The following ZNF428 variants were observed in gnomAD, a reference collection of about 807,000 sequenced individuals.
The protein encoded by ZNF428 is enzyme-like protein PIT13.
In ZNF428, 5 loss-of-function variants were observed where a neutral mutation model predicts 15.6. The ratio of observed to expected loss-of-function variants is 0.32; its 90% CI spans 0.17 to 0.67. ZNF428 has a LOEUF of 0.67. ZNF428 is among the 30% of genes least tolerant of loss of function. The pLI, the probability that ZNF428 is intolerant of heterozygous loss-of-function variation, is 0.73. For synonymous variants in ZNF428, 97 were observed against 102.2 expected (o/e 0.95, Z 0.31); for missense variants, 237 against 256.0 (o/e 0.93, Z 0.51).
intron 2 of ZNF428, chr19:43,613,417 C>T: frequency 1.3e-6 from 2 of 1,528,718 alleles, no homozygotes; most frequent in Non-Finnish European, 8.8e-7. Flanking sequence ...GAAGTCCCAA[C>T]AAGGCGAGAG....
In ZNF428 at chr19:43,613,123, C is replaced by A. The variant is rs753137306; in HGVS notation, c.76+1106G>T. On this transcript the variant is annotated intron_variant, in intron 2 of 2. Coordinates refer to ENST00000300811, the MANE Select transcript of ZNF428 (RefSeq NM_182498.4). Reference sequence around the variant, plus strand: ...TGGGAAGACACAGCCAGTCTAGAAGCCACAGCAAGGGGAAAAGTCAAAACC... The same window carrying A: ...TGGGAAGACACAGCCAGTCTAGAAGACACAGCAAGGGGAAAAGTCAAAACC... 16 of 1,551,502 alleles carry A rather than the reference C, an allele frequency of 1.0e-5. No individual in the cohort carries two copies. In the South Asian group the frequency reaches 1.9e-4, roughly 18 times the overall value.
chr19:43,610,165 C>A (rs1227274084), intron 2 of ZNF428, among the ~76,000 whole-genome samples: 1 of 151,722 alleles, frequency 6.6e-6, no homozygotes, highest in Non-Finnish European at 1.5e-5. Context: ...CCTGGCCACT[C>A]CCCAGCACTC....
rs1253101237 is a variant in ZNF428 at position 43,617,217 on chromosome 19, TTCTC to T, written c.-131+2337_-131+2340del. ...CCTCTGCCAGGAAGCCTTCTGTGAC[TTCTC>T]TCTCTCCCTCTTCACCAACGGACCG... On this transcript the variant is annotated intron_variant, in intron 1 of 2. Transcript: ENST00000300811. Among the ~76,000 whole-genome samples, 17 of 152,124 alleles carry T rather than the reference TTCTC, an allele frequency of 1.1e-4. No homozygotes were observed. The South Asian group carries it at 3.1e-3, about 28-fold the overall frequency.
At chr19:43,613,783 G>C (rs1198133452) in intron 2 of ZNF428, 3 of 1,549,628 alleles carry the variant, frequency 1.9e-6, no homozygotes, top group East Asian at 4.9e-5. Flanking sequence ...CCAGCGAGGA[G>C]AGAGAGCACA....
chr19:43,614,565 C>G, intron 1 of ZNF428, 131 bp from the exon 2 acceptor site: 1 of 765,820 alleles, frequency 1.3e-6, no homozygotes, highest in East Asian at 3.4e-5. Context: ...CCCTGACTGT[C>G]TACAGGGTCT....
chr19:43,617,944 C>T (rs1430981317), intron 1 of ZNF428, among the ~76,000 whole-genome samples: 1 of 152,008 alleles, frequency 6.6e-6, no homozygotes, highest in African/African-American at 2.4e-5. Context: ...TCACTGCAAC[C>T]TCTGCCTCCT....
chr19:43,614,530 G>T, intron 1 of ZNF428, 96 bp from the exon 2 acceptor site: 1 of 1,142,468 alleles, frequency 8.8e-7, no homozygotes, highest in Non-Finnish European at 1.2e-6. Context: ...CTGCTGGCAT[G>T]GGGCACAGAG....
At chr19:43,611,321 G>A (rs113209274) in intron 2 of ZNF428, among the ~76,000 whole-genome samples, 41 of 151,304 alleles carry the variant, frequency 2.7e-4, no homozygotes, top group Non-Finnish European at 4.0e-4. Context: ...TGGTTGACCC[G>A]TTCATTTTTT....
At chr19:43,610,625 T>C (rs1973285770) in intron 2 of ZNF428, among the ~76,000 whole-genome samples, 1 of 152,156 alleles carries the variant, frequency 6.6e-6, no homozygotes, top group African/African-American at 2.4e-5. Flanking sequence ...AACACTTCCT[T>C]TGTGCAAAGA....
chr19:43,618,363 C>G (rs1407666187), intron 1 of ZNF428, among the ~76,000 whole-genome samples: 1 of 151,816 alleles, frequency 6.6e-6, no homozygotes, highest in Non-Finnish European at 1.5e-5. Flanking sequence ...GAGACAGGGT[C>G]TCGCTCAGTT....
chr19:43,617,180 G>A (rs1014834651), intron 1 of ZNF428, among the ~76,000 whole-genome samples: 4 of 151,820 alleles, frequency 2.6e-5, no homozygotes, highest in Non-Finnish European at 4.4e-5. Flanking sequence ...CTTCTTGCCC[G>A]CTGAAATACT....
rs1343584800 is a variant in ZNF428 at position 43,613,458 on chromosome 19, C to T, written c.76+771G>A. 6 of 1,543,950 alleles carry T rather than the reference C, an allele frequency of 3.9e-6. No homozygotes were observed. Among genetic ancestry groups the T allele is most frequent in the Admixed American group, 4.0e-5 (2 of 50,058 alleles). ...AGCCGATCTAGAAGTCCCTACAAGGCGAGAGATCGCAGCCGATCTAGAAGT... is the reference window on the plus strand; with the variant it reads ...AGCCGATCTAGAAGTCCCTACAAGGTGAGAGATCGCAGCCGATCTAGAAGT... On this transcript the variant is annotated intron_variant, in intron 2 of 2. Transcript: ENST00000300811.
chr19:43,614,019 G>A lies in ZNF428; in HGVS notation c.76+210C>T, dbSNP rs552706429. On this transcript the variant is annotated intron_variant, in intron 2 of 2. Coordinates refer to ENST00000300811, the MANE Select transcript of ZNF428 (RefSeq NM_182498.4). ...AAAGAAGGAAATCATAGCCAATCTA[G>A]AACCTCTAGCAAGGAGAGCGACCCC... 30 of 1,551,760 alleles carry A rather than the reference G, an allele frequency of 1.9e-5. No individual in the cohort carries two copies. In the Admixed American group the frequency reaches 5.7e-4, roughly 29 times the overall value.
At position 43,607,534 on chromosome 19, in the gene ZNF428, T is replaced by C. The variant is rs1384745910; in HGVS notation, c.*83A>G. On this transcript the variant is annotated 3_prime_UTR_variant, in exon 3 of 3. Transcript: ENST00000300811. The surrounding 1 kb of genome is among the most constrained non-coding windows in gnomAD (Gnocchi z 5.1). ...CAGACCGGCAGTACCCCATCCCCCA[T>C]GACCACTGTCACAACCCCAATTTCC... The C allele has an allele frequency of 3.5e-6, 5 of 1,445,432 alleles. No individual in the cohort carries two copies. Among genetic ancestry groups the C allele is most frequent in the Non-Finnish European group, 4.6e-6 (5 of 1,078,682 alleles). The allele number at this position is 1,445,432 out of a possible 1,614,324, so 89.5% of individuals were successfully genotyped here. A position where few individuals can be genotyped will look rare whatever the true frequency, so the allele number is the denominator to read the frequency against.
chr19:43,610,635 A>G (rs1448313496), intron 2 of ZNF428, among the ~76,000 whole-genome samples: 1 of 152,130 alleles, frequency 6.6e-6, no homozygotes, highest in African/African-American at 2.4e-5. Context: ...TTGTGCAAAG[A>G]AAGTACTTAT....
Position 43,612,932 on chromosome 19 carries a change from C to T in ZNF428, c.76+1297G>A. On this transcript the variant is annotated intron_variant, in intron 2 of 2. Coordinates refer to ENST00000300811, the MANE Select transcript of ZNF428 (RefSeq NM_182498.4). The surrounding 1 kb of genome is among the most constrained non-coding windows in gnomAD (Gnocchi z 4.2). ...GTCCAGCAGGGTCAAGAGTTATAAC[C>T]AGGCCAGCACCCGCAGCAGGCCGCA... 4 of 1,551,654 alleles carry T rather than the reference C, an allele frequency of 2.6e-6. No individual in the cohort carries two copies. The highest frequency in any genetic ancestry group is 3.5e-6 in the Non-Finnish European group (4 of 1,146,952).
At position 43,614,363 on chromosome 19, in the gene ZNF428, G is replaced by C; in HGVS notation, c.-59C>G. The C allele has an allele frequency of 5.2e-6, 8 of 1,536,702 alleles. No individual in the cohort carries two copies. The highest frequency in any genetic ancestry group is 7.0e-6 in the Non-Finnish European group (8 of 1,145,678). On this transcript the variant is annotated 5_prime_UTR_variant, in exon 2 of 3. Transcript: ENST00000300811. ...CAGCAGCTGAGCAGCGTCCCTCCCC[G>C]GCCAGCTCTCCACAGCCACACCTCC...
chr19:43,609,606 G>A (rs890579148), intron 2 of ZNF428, among the ~76,000 whole-genome samples: 1 of 151,920 alleles, frequency 6.6e-6, no homozygotes, highest in South Asian at 2.1e-4. Flanking sequence ...CAAGTGTGGG[G>A]TGGTGGGTGC....
intron 1 of ZNF428, among the ~76,000 whole-genome samples, chr19:43,618,366 G>C (rs1973394906): frequency 6.6e-6 from 1 of 151,748 alleles, no homozygotes; most frequent in Non-Finnish European, 1.5e-5. Flanking sequence ...ACAGGGTCTC[G>C]CTCAGTTGCC....
Sources: allele counts gnomAD v4.1 joint callset (sites outside exome capture counted in the v4.1 genomes callset), GRCh38; gene constraint gnomAD v4.1.1; non-coding constraint Gnocchi (gnomAD v3.1); transcripts MANE v1.5; gene names NCBI Gene and HGNC (gene_info 2026-07-23, HGNC 2026-07-21).